Variants in IL1R2 observed in about 807,000 individuals in gnomAD.
IL1R2 encodes interleukin 1 receptor type 2, also known as interleukin-1 receptor type 2.
IL1R2 carries 46 observed loss-of-function variants against 39.5 expected under a neutral mutation model. That is an observed-to-expected ratio of 1.16 (90% CI 0.92 to 1.49). The LOEUF (loss-of-function observed/expected upper bound fraction) is 1.49. Among genes scored for constraint, IL1R2 ranks in the 40% most tolerant of loss-of-function variants. The pLI is 0.00. For missense variants in IL1R2, 537 were observed against 502.0 expected (o/e 1.07, Z -0.67); for synonymous variants, 207 against 189.6 (o/e 1.09, Z -0.75).
chr2:102,016,617 G>A (rs1243746533), intron 4 of IL1R2: 2 of 152,498 alleles, frequency 1.3e-5, no homozygotes, highest in Admixed American at 6.5e-5. Flanking sequence ...ATCTAGGCCT[G>A]TGCGAGTACT....
chr2:101,993,089 G>A (rs1675427304), intron 1 of IL1R2, among the ~76,000 whole-genome samples: 1 of 152,060 alleles, frequency 6.6e-6, no homozygotes, highest in Non-Finnish European at 1.5e-5. Context: ...CTGCACGTGG[G>A]ATGTGCACTG....
chr2:102,028,420 CA>C lies in IL1R2; in HGVS notation c.*31del. ...TAAATGGAATGAAATAATTCAAACA[CA>C]AACTCCGTACGTCTTCTCTTATGGA... On this transcript the variant is annotated 3_prime_UTR_variant, in exon 9 of 9. Transcript: ENST00000332549. The C allele has an allele frequency of 6.5e-7, 1 of 1,549,462 alleles. No individual in the cohort carries two copies. Among genetic ancestry groups the C allele is most frequent in the Non-Finnish European group, 8.8e-7 (1 of 1,138,068 alleles).
intron 6 of IL1R2, chr2:102,023,629 G>A (rs77865339): frequency 6.6e-6 from 1 of 152,058 alleles, no homozygotes; most frequent in African/African-American, 2.4e-5. Flanking sequence ...CAAGTGAGAA[G>A]GTTTTCTTCT....
chr2:102,026,651 C>A (rs1182542881), intron 8 of IL1R2, among the ~76,000 whole-genome samples: 1 of 152,122 alleles, frequency 6.6e-6, no homozygotes, highest in Admixed American at 6.5e-5. Context: ...GGATTGGGAG[C>A]TACCCAGGGT....
At position 102,008,508 on chromosome 2, in the gene IL1R2, C is replaced by T; in HGVS notation, c.-61-7C>T. On this transcript the variant is annotated splice_region_variant and splice_polypyrimidine_tract_variant and intron_variant, in intron 1 of 8. Transcript: ENST00000332549. ...GTTCCTGGTGACACCTCTGTTTCCT[C>T]CCCTAGGCCACGTGCTGCTGGGTCT... The T allele has an allele frequency of 7.8e-7, 1 of 1,282,268 alleles. No individual in the cohort carries two copies. Among genetic ancestry groups the T allele is most frequent in the Non-Finnish European group, 1.1e-6 (1 of 877,808 alleles). The allele number at this position is 1,282,268 out of a possible 1,614,324, so 79.4% of individuals were successfully genotyped here.
chr2:102,005,363 A>G (rs1676194478), intron 1 of IL1R2, among the ~76,000 whole-genome samples: 1 of 152,228 alleles, frequency 6.6e-6, no homozygotes, highest in East Asian at 1.9e-4. Flanking sequence ...GACTGTGAGA[A>G]CACAATGCCT....
chr2:102,011,130 A>T (rs934035154), intron 3 of IL1R2, among the ~76,000 whole-genome samples: 3 of 152,130 alleles, frequency 2.0e-5, no homozygotes, highest in Non-Finnish European at 4.4e-5. Flanking sequence ...CATTTTGTTT[A>T]TCTATTTATC....
At position 102,025,689 on chromosome 2, in the gene IL1R2, C is replaced by T. The variant is rs558545347; in HGVS notation, c.888-422C>T. 7.9e-5 allele frequency among the ~76,000 whole-genome samples: 12 copies of T among 152,292 alleles called. No homozygotes were observed. In the East Asian group the frequency reaches 9.6e-4, roughly 12 times the overall value. On this transcript the variant is annotated intron_variant, in intron 7 of 8. Coordinates refer to ENST00000332549, the MANE Select transcript of IL1R2 (RefSeq NM_004633.4). ...AGTCAGCAGTAGAGATGAGAAGAGA[C>T]GGCACCACTGAGGGCTGGAGTCCTG...
chr2:101,994,039 C>T (rs1018195703), intron 1 of IL1R2, among the ~76,000 whole-genome samples: 5 of 152,212 alleles, frequency 3.3e-5, no homozygotes, highest in Non-Finnish European at 5.9e-5. Context: ...TTGGTATTAC[C>T]ACATGCACAG....
intron 5 of IL1R2, among the ~76,000 whole-genome samples, chr2:102,020,176 G>A (rs186525450): frequency 1.3e-5 from 2 of 152,286 alleles, no homozygotes; most frequent in African/African-American, 4.8e-5. Context: ...GTAACTTTAT[G>A]TTCAATTTTA....
intron 6 of IL1R2, chr2:102,023,534 G>T (rs979457468): frequency 6.6e-6 from 1 of 152,190 alleles, no homozygotes; most frequent in Non-Finnish European, 1.5e-5. Context: ...ATAGGATGGA[G>T]AACGGCTGGC....
At chr2:102,024,450 G>C (rs574065007) in intron 6 of IL1R2, 83 bp from the exon 7 acceptor site, 1 of 959,372 alleles carries the variant, frequency 1.0e-6, no homozygotes, top group East Asian at 2.4e-5. Flanking sequence ...TTGAGAAGCC[G>C]AGGAGGGACT....
intron 4 of IL1R2, among the ~76,000 whole-genome samples, chr2:102,016,853 G>A (rs971354970): frequency 1.3e-5 from 2 of 152,076 alleles, no homozygotes; most frequent in African/African-American, 4.8e-5. Context: ...GGCACCTGTG[G>A]GGAATGTTTG....
rs113922382 is a variant in IL1R2, at chr2:101,994,028, T to C, written c.-62+2017T>C. Among the ~76,000 whole-genome samples the C allele has an allele frequency of 4.4e-3, 667 of 152,326 alleles. 5 individuals carry two copies. Among genetic ancestry groups the C allele is most frequent in the Non-Finnish European group, 6.8e-3 (462 of 68,024 alleles). On this transcript the variant is annotated intron_variant, in intron 1 of 8. Transcript: ENST00000332549. ...AGTGGGCTTCCCGCCCAGCTGATCA[T>C]TTGGTATTACCACATGCACAGACAC...
chr2:102,024,540 A>T lies in IL1R2; in HGVS notation c.759A>T (p.Arg253Ser), dbSNP rs1298141595. The change falls in exon 7 of 9, where the codon AGA (arginine) becomes AGT (serine). Residue 253 changes from arginine to serine, a missense_variant. Arg to Ser is a moderately radical substitution (Grantham distance 110). Coordinates refer to ENST00000332549, the MANE Select transcript of IL1R2 (RefSeq NM_004633.4). The part of the protein sequence containing the change: ...LKTISASLGS[R>S]LTIPCKVFLG... The stretch of plus-strand genomic sequence containing the variant: ...GTGCCTTGCCATCCACAGGGTCAAG[A>T]CTGACAATCCCGTGTAAGGTGTTTC... 11 of 1,613,880 alleles carry T rather than the reference A, an allele frequency of 6.8e-6. No homozygotes were observed. Among genetic ancestry groups the T allele is most frequent in the Non-Finnish European group, 9.3e-6 (11 of 1,179,828 alleles).
At chr2:102,006,393 A>T (rs541612848) in intron 1 of IL1R2, among the ~76,000 whole-genome samples, 1 of 152,188 alleles carries the variant, frequency 6.6e-6, no homozygotes, top group African/African-American at 2.4e-5. Flanking sequence ...CAGGCTAGAT[A>T]CATAGCTAAG....
chr2:102,024,797 G>C, intron 7 of IL1R2, 129 bp downstream of exon 7: 1 of 1,182,418 alleles, frequency 8.5e-7, no homozygotes, highest in Non-Finnish European at 1.1e-6. Flanking sequence ...TGGATGTTTA[G>C]AATTTAAAAA....
At chr2:102,014,889 T>A (rs1371574368) in intron 3 of IL1R2, among the ~76,000 whole-genome samples, 1 of 151,144 alleles carries the variant, frequency 6.6e-6, no homozygotes, top group African/African-American at 2.4e-5. Context: ...CCTCTTCCCT[T>A]TTTCCAGCTC....
At chr2:102,027,595 T>C (rs188933765) in intron 8 of IL1R2, among the ~76,000 whole-genome samples, 12 of 152,306 alleles carry the variant, frequency 7.9e-5, no homozygotes, top group Non-Finnish European at 1.8e-4. Context: ...TCATGTCGAT[T>C]CCTGGATGAC....
Sources: allele counts gnomAD v4.1 joint callset (sites outside exome capture counted in the v4.1 genomes callset), GRCh38; gene constraint gnomAD v4.1.1; transcripts MANE v1.5; gene names NCBI Gene and HGNC (gene_info 2026-07-23, HGNC 2026-07-21).